Variants in CBFA2T3 observed in about 807,000 individuals in gnomAD.
CBFA2T3 encodes the protein CBFA2/RUNX1 partner transcriptional co-repressor 3, also known as transcriptional corepressor CBFA2T3.
Under a neutral mutation model 58.6 loss-of-function variants are expected in CBFA2T3, and 31 were observed. That is an observed-to-expected ratio of 0.53 (90% CI 0.40 to 0.71). The LOEUF is 0.71. CBFA2T3 is among the 30% of genes least tolerant of loss of function. The pLI is 0.00. For missense variants in CBFA2T3, 1,076 were observed against 963.1 expected, an observed-to-expected ratio of 1.12 and a Z score of -1.55; for synonymous variants, 531 against 421.9, an observed-to-expected ratio of 1.26 and a Z score of -3.17.
intron 1 of CBFA2T3, among the ~76,000 whole-genome samples, chr16:88,906,364 GC>G (rs1970333333): frequency 3.3e-5 from 5 of 152,318 alleles, no homozygotes; most frequent in Non-Finnish European, 7.4e-5. Context: ...CCAGCCCACG[GC>G]TGCGAACCAC....
At chr16:88,893,028 G>T (rs1467447589) in intron 3 of CBFA2T3, among the ~76,000 whole-genome samples, 1 of 152,172 alleles carries the variant, frequency 6.6e-6, no homozygotes, top group South Asian at 2.1e-4. Context: ...CACGTCGGGG[G>T]CTTGATGGCT....
At chr16:88,879,148 G>T in intron 11 of CBFA2T3, 122 bp downstream of exon 11, 2 of 831,604 alleles carry the variant, frequency 2.4e-6, no homozygotes, top group Non-Finnish European at 3.8e-6. Flanking sequence ...CGTGCCTGCT[G>T]CAGGATGCCC....
rs1968877993 is a variant in CBFA2T3 at position 88,877,330 on chromosome 16, A to G, written c.1663-55T>C. The G allele has an allele frequency of 5.6e-6, 8 of 1,426,666 alleles. No homozygotes were observed. The South Asian group carries it at 6.3e-5, about 11-fold the overall frequency. The allele number at this position is 1,426,666 out of a possible 1,614,324, so 88.4% of individuals were successfully genotyped here. A position where few individuals can be genotyped will look rare whatever the true frequency, so the allele number is the denominator to read the frequency against. On this transcript the variant is annotated intron_variant, in intron 11 of 11. Coordinates refer to ENST00000268679, the MANE Select transcript of CBFA2T3 (RefSeq NM_005187.6). ...CTGGGTCTGGCCACCCGAATCCCCA[A>G]CACACGCCTCAACCAAGCCATTCAG...
chr16:88,952,225 C>A (rs905241558), intron 1 of CBFA2T3, among the ~76,000 whole-genome samples: 1 of 152,232 alleles, frequency 6.6e-6, no homozygotes, highest in Admixed American at 6.5e-5. Context: ...CCGCATGCAT[C>A]CCGGCACTGA....
intron 2 of CBFA2T3, 73 bp from the exon 3 acceptor site, chr16:88,898,225 C>A: frequency 1.7e-6 from 2 of 1,157,584 alleles, no homozygotes; most frequent in Non-Finnish European, 1.3e-6. Flanking sequence ...GGGGCGCCCG[C>A]GGCCACCTTT....
At chr16:88,892,087 C>A in intron 4 of CBFA2T3, 116 bp from the exon 5 acceptor site, 4 of 1,355,162 alleles carry the variant, frequency 3.0e-6, no homozygotes, top group Non-Finnish European at 4.1e-6. Flanking sequence ...AGCCCAGGAG[C>A]TGGGCACGGC....
intron 1 of CBFA2T3, among the ~76,000 whole-genome samples, chr16:88,944,114 G>A (rs1351347441): frequency 6.6e-6 from 1 of 152,098 alleles, no homozygotes; most frequent in Admixed American, 6.5e-5. Context: ...GAGGCCGGCG[G>A]ATCATGAGGT....
intron 1 of CBFA2T3, among the ~76,000 whole-genome samples, chr16:88,946,333 A>C (rs530190752): frequency 6.6e-6 from 1 of 152,232 alleles, no homozygotes; most frequent in Non-Finnish European, 1.5e-5. Flanking sequence ...AAAAAAGTGA[A>C]TATTGCTAAG....
At chr16:88,877,302 G>A (rs913370384) in intron 11 of CBFA2T3, 27 bp from the exon 12 acceptor site, 2 of 1,522,280 alleles carry the variant, frequency 1.3e-6, no homozygotes, top group South Asian at 1.2e-5. Context: ...GGGCCAGTCA[G>A]GGCTGGGTCT....
intron 2 of CBFA2T3, 28 bp downstream of exon 2, chr16:88,901,476 C>T (rs1239254488): frequency 7.4e-7 from 1 of 1,343,448 alleles, no homozygotes; most frequent in Non-Finnish European, 9.9e-7. Flanking sequence ...AACACCTGGC[C>T]CTCGGCTGCC....
intron 1 of CBFA2T3, among the ~76,000 whole-genome samples, chr16:88,968,153 C>T (rs906443204): frequency 1.3e-5 from 2 of 152,310 alleles, no homozygotes; most frequent in South Asian, 4.1e-4. Flanking sequence ...GAAATAGGCC[C>T]AGAGAGGCAC....
At chr16:88,965,244 T>C (rs1972472721) in intron 1 of CBFA2T3, among the ~76,000 whole-genome samples, 1 of 152,232 alleles carries the variant, frequency 6.6e-6, no homozygotes, top group African/African-American at 2.4e-5. Flanking sequence ...TCTGGGCAGA[T>C]TGTTTTTCAG....
chr16:88,914,555 C>A (rs1047550417), intron 1 of CBFA2T3, among the ~76,000 whole-genome samples: 1 of 152,214 alleles, frequency 6.6e-6, no homozygotes, highest in Non-Finnish European at 1.5e-5. Context: ...CCGGGCAGGA[C>A]GCTGTCGCAG....
chr16:88,881,078 C>G (rs751597718), intron 9 of CBFA2T3: 1 of 712,576 alleles, frequency 1.4e-6, no homozygotes, highest in African/African-American at 1.7e-5. Flanking sequence ...CTCAGGGCCT[C>G]CCAGCTCCGA....
At chr16:88,956,795 A>T (rs1972230681) in intron 1 of CBFA2T3, among the ~76,000 whole-genome samples, 1 of 152,134 alleles carries the variant, frequency 6.6e-6, no homozygotes, top group Non-Finnish European at 1.5e-5. Flanking sequence ...TTGGAACTGG[A>T]CCGCATGGCC....
intron 1 of CBFA2T3, among the ~76,000 whole-genome samples, chr16:88,947,353 T>C (rs1176938788): frequency 6.6e-6 from 1 of 152,260 alleles, no homozygotes; most frequent in Non-Finnish European, 1.5e-5. Flanking sequence ...CAGACTCTTC[T>C]GCAGCGCCTG....
chr16:88,931,593 G>A (rs1215255185), intron 1 of CBFA2T3, among the ~76,000 whole-genome samples: 3 of 149,944 alleles, frequency 2.0e-5, no homozygotes, highest in Non-Finnish European at 4.4e-5. Context: ...GGATGAGCCA[G>A]AGGTGGAGAA....
rs1567643999 is a variant in CBFA2T3 at position 88,975,181 on chromosome 16, T to TGTCAGAGGCCCGCCCTGACC, written c.151+1475_151+1476insGGTCAGGGCGGGCCTCTGAC. ...CCACCCTGACCCTCTCTGCTCCACA[T>TGTCAGAGGCCCGCCCTGACC]CTTTAGCCATGTCAGAGGTCCACCC... On this transcript the variant is annotated intron_variant, in intron 1 of 11. Coordinates refer to ENST00000268679, the MANE Select transcript of CBFA2T3 (RefSeq NM_005187.6). 2.5e-4 allele frequency among the ~76,000 whole-genome samples: 12 copies of TGTCAGAGGCCCGCCCTGACC among 47,762 alleles called. 1 individual carries two copies. The highest frequency in any genetic ancestry group is 1.0e-3 in the East Asian group (1 of 970). 31.3% of individuals were successfully genotyped at this position (47,762 alleles called of 152,430 possible).
At chr16:88,963,580 G>T (rs1023674970) in intron 1 of CBFA2T3, among the ~76,000 whole-genome samples, 1 of 152,068 alleles carries the variant, frequency 6.6e-6, no homozygotes, top group Non-Finnish European at 1.5e-5. Flanking sequence ...AATCCACTCT[G>T]TCTCTGTGGA....
Sources: gnomAD v4.1 joint callset for allele counts (sites outside exome capture counted in the v4.1 genomes callset) on GRCh38, gnomAD v4.1.1 for gene constraint, MANE v1.5 for transcripts, NCBI Gene and HGNC (gene_info 2026-07-23, HGNC 2026-07-21) for gene names.